UBE2V1: variants seen among roughly 807,000 people sequenced by gnomAD.
UBE2V1 encodes the protein ubiquitin-conjugating enzyme E2 variant 1.
A neutral mutation model predicts 19.6 loss-of-function variants in UBE2V1; 15 were observed. The ratio of observed to expected loss-of-function variants is 0.77; its 90% CI spans 0.51 to 1.18. The LOEUF (loss-of-function observed/expected upper bound fraction) is 1.18. UBE2V1 is among the 50% of genes most tolerant of loss of function. The pLI, the probability that UBE2V1 is intolerant of heterozygous loss-of-function variation, is 0.00. For missense variants in UBE2V1, 125 were observed against 184.8 expected (o/e 0.68, Z 1.88); for synonymous variants, 60 against 60.7 (o/e 0.99, Z 0.05).
chr20:50,082,629 A>G lies in UBE2V1; in HGVS notation c.*139T>C, dbSNP rs897810106. ...GTATCATTTACAGTATCTTAAGATA[A>G]ATTTCCTTTGAATGGGAGCTTCCTT... On this transcript the variant is annotated 3_prime_UTR_variant, in exon 4 of 4. Transcript: ENST00000371674. The G allele has an allele frequency of 3.5e-6, 5 of 1,416,398 alleles. No individual in the cohort carries two copies. In the African/African-American group the frequency reaches 7.2e-5, roughly 20 times the overall value. 87.7% of individuals were successfully genotyped at this position (1,416,398 alleles called of 1,614,324 possible).
chr20:50,109,842 A>G (rs1000929397), intron 1 of UBE2V1, among the ~76,000 whole-genome samples: 1 of 152,112 alleles, frequency 6.6e-6, no homozygotes, highest in African/African-American at 2.4e-5. Context: ...GCTGAGCACA[A>G]TATGAAGCTG....
chr20:50,081,773 G>T lies in UBE2V1; in HGVS notation c.*995C>A. The T allele has an allele frequency of 4.2e-6, 1 of 238,030 alleles. No homozygotes were observed. Among genetic ancestry groups the T allele is most frequent in the East Asian group, 8.4e-5 (1 of 11,962 alleles). The allele number at this position is 238,030 out of a possible 1,614,324, so 14.7% of individuals were successfully genotyped here. A position where few individuals can be genotyped will look rare whatever the true frequency, so the allele number is the denominator to read the frequency against. ...TCTTTCTCCAAGTTCAACCACCAAG[G>T]ACTCCGAGAGCTGGCAGGTCTGAGT... On this transcript the variant is annotated 3_prime_UTR_variant, in exon 4 of 4. Transcript: ENST00000371674.
chr20:50,089,913 G>GC (rs1043800813), intron 2 of UBE2V1, among the ~76,000 whole-genome samples: 2 of 152,152 alleles, frequency 1.3e-5, no homozygotes, highest in African/African-American at 4.8e-5. Flanking sequence ...CCCAGTATGA[G>GC]CCCCTTACCT....
intron 1 of UBE2V1, among the ~76,000 whole-genome samples, chr20:50,112,813 A>G (rs2080849815): frequency 6.6e-6 from 1 of 151,682 alleles, no homozygotes; most frequent in African/African-American, 2.4e-5. Flanking sequence ...AGTGCCTCGG[A>G]GCTCGCTCCT....
chr20:50,099,537 T>A (rs2079850674), intron 1 of UBE2V1, among the ~76,000 whole-genome samples: 1 of 152,206 alleles, frequency 6.6e-6, no homozygotes, highest in African/African-American at 2.4e-5. Context: ...AACAATCCCA[T>A]GTTATTTGCA....
Position 50,081,210 on chromosome 20 carries a change from T to C in UBE2V1, c.*1558A>G, listed in dbSNP as rs1171986317. On this transcript the variant is annotated 3_prime_UTR_variant, in exon 4 of 4. Transcript: ENST00000371674. ...AAAGGCTGCTTATGGAATACTGTTA[T>C]GTTAAACTTCACTTACAGGATGTTA... The C allele has an allele frequency of 2.0e-5, 3 of 152,252 alleles. No homozygotes were observed. The highest frequency in any genetic ancestry group is 4.8e-5 in the African/African-American group (2 of 41,450). The allele number at this position is 152,252 out of a possible 1,614,324, so 9.4% of individuals were successfully genotyped here. A position where few individuals can be genotyped will look rare whatever the true frequency, so the allele number is the denominator to read the frequency against.
At chr20:50,104,093 C>A (rs1209127848) in intron 1 of UBE2V1, among the ~76,000 whole-genome samples, 5 of 150,422 alleles carry the variant, frequency 3.3e-5, no homozygotes. Flanking sequence ...ATCATCCTGG[C>A]CAACGTGGTG....
chr20:50,111,123 C>G (rs923617582), intron 1 of UBE2V1, among the ~76,000 whole-genome samples: 1 of 152,200 alleles, frequency 6.6e-6, no homozygotes, highest in African/African-American at 2.4e-5. Flanking sequence ...AATAGGCCCT[C>G]AGTAAATATC....
intron 1 of UBE2V1, among the ~76,000 whole-genome samples, chr20:50,112,394 T>C (rs1424066060): frequency 6.6e-6 from 1 of 152,182 alleles, no homozygotes; most frequent in East Asian, 1.9e-4. Flanking sequence ...AGGAGACTGG[T>C]AATGATGGGG....
chr20:50,109,101 TG>T (rs1344201797), intron 1 of UBE2V1: 1 of 985,356 alleles, frequency 1.0e-6, no homozygotes, highest in Non-Finnish European at 1.2e-6. Context: ...TGCCCCTGGC[TG>T]GTGACCAGGC....
chr20:50,107,979 A>G (rs572446720), intron 1 of UBE2V1, among the ~76,000 whole-genome samples: 2 of 152,380 alleles, frequency 1.3e-5, no homozygotes, highest in South Asian at 4.1e-4. Flanking sequence ...AGTCAGGCCC[A>G]TGAAGATCTG....
At chr20:50,102,950 TCCCA>T (rs1466685810) in intron 1 of UBE2V1, among the ~76,000 whole-genome samples, 1 of 152,232 alleles carries the variant, frequency 6.6e-6, no homozygotes, top group Non-Finnish European at 1.5e-5. Flanking sequence ...GAATTCTCTG[TCCCA>T]GAGCTGTGAA....
At chr20:50,115,225 T>C (rs1178069954), upstream of UBE2V1, among the ~76,000 whole-genome samples, 1 of 152,220 alleles carries the variant, frequency 6.6e-6, no homozygotes, top group Non-Finnish European at 1.5e-5. Flanking sequence ...GCTTTGCCTG[T>C]GCTGTTCCCA....
intron 2 of UBE2V1, chr20:50,084,879 G>GTTT (rs1288106474): frequency 5.9e-6 from 1 of 168,792 alleles, no homozygotes; most frequent in Non-Finnish European, 1.3e-5. Flanking sequence ...AGGCAGCACA[G>GTTT]GGAAAAGCAG....
intron 1 of UBE2V1, among the ~76,000 whole-genome samples, chr20:50,108,162 T>A (rs1326485327): frequency 6.6e-6 from 1 of 152,232 alleles, no homozygotes; most frequent in East Asian, 1.9e-4. Context: ...GTCTCCTGTA[T>A]AGAAAATGGA....
At chr20:50,101,072 C>G (rs113531437) in intron 1 of UBE2V1, among the ~76,000 whole-genome samples, 98 of 152,232 alleles carry the variant, frequency 6.4e-4, no homozygotes, top group African/African-American at 2.2e-3. Flanking sequence ...ACAACTGAAC[C>G]AAAGAAATAA....
intron 2 of UBE2V1, among the ~76,000 whole-genome samples, chr20:50,094,285 T>C (rs1252199520): frequency 7.0e-6 from 1 of 142,172 alleles, no homozygotes; most frequent in Admixed American, 7.2e-5. Flanking sequence ...TAATGCATTA[T>C]ATAATATATA....
intron 1 of UBE2V1, among the ~76,000 whole-genome samples, chr20:50,108,226 C>T (rs2080518351): frequency 1.3e-5 from 2 of 152,128 alleles, no homozygotes; most frequent in South Asian, 4.1e-4. Context: ...AAGAGAAAGA[C>T]GGTTCTGGTT....
chr20:50,115,425 G>A, upstream of UBE2V1: 1 of 1,446,022 alleles, frequency 6.9e-7, no homozygotes, highest in East Asian at 2.6e-5. Context: ...CCCTGGACTT[G>A]GGGTCACTGT....
Sources: gnomAD v4.1 joint callset for allele counts (sites outside exome capture counted in the v4.1 genomes callset) on GRCh38, gnomAD v4.1.1 for gene constraint, MANE v1.5 for transcripts, NCBI Gene and HGNC (gene_info 2026-07-23, HGNC 2026-07-21) for gene names.